The following NEDD4L variants were observed in gnomAD, a reference collection of about 807,000 sequenced individuals.
NEDD4L encodes the protein E3 ubiquitin-protein ligase NEDD4-like.
A neutral mutation model predicts 148.9 loss-of-function variants in NEDD4L; 54 were observed. The ratio of observed to expected loss-of-function variants is 0.36; its 90% confidence interval spans 0.29 to 0.45. The LOEUF is 0.45. Ranked by LOEUF, NEDD4L falls within the 20% of genes least tolerant of loss-of-function variation. NEDD4L has a pLI of 1.00. For missense variants in NEDD4L, 856 were observed against 1,233.8 expected (o/e 0.69, Z 4.59); for synonymous variants, 433 against 440.7 (o/e 0.98, Z 0.22).
intron 2 of NEDD4L, among the ~76,000 whole-genome samples, chr18:58,235,268 ACTG>A (rs2045873123): frequency 6.6e-6 from 1 of 152,092 alleles, no homozygotes; most frequent in East Asian, 1.9e-4. Context: ...TCGGTGTGGC[ACTG>A]CTAACAGGTT....
At chr18:58,106,055 C>G (rs1011495228) in intron 1 of NEDD4L, among the ~76,000 whole-genome samples, 2 of 152,264 alleles carry the variant, frequency 1.3e-5, no homozygotes, top group African/African-American at 4.8e-5. Flanking sequence ...AAAGATCATT[C>G]TTGGGCAGGC....
intron 2 of NEDD4L, among the ~76,000 whole-genome samples, chr18:58,192,597 C>G (rs2040230721): frequency 6.6e-6 from 1 of 152,218 alleles, no homozygotes; most frequent in Non-Finnish European, 1.5e-5. Context: ...GCTGTCTTGA[C>G]ATGCTTTTCA....
At chr18:58,060,135 T>A (rs1378982021) in intron 1 of NEDD4L, among the ~76,000 whole-genome samples, 1 of 4,100 alleles carries the variant, frequency 2.4e-4, no homozygotes, top group Admixed American at 3.1e-3. Flanking sequence ...AGGGGTTGGT[T>A]GGGGGTGGGG....
At chr18:58,215,791 GT>G (rs1180188531) in intron 2 of NEDD4L, among the ~76,000 whole-genome samples, 1 of 152,048 alleles carries the variant, frequency 6.6e-6, no homozygotes, top group African/African-American at 2.4e-5. Context: ...CCTTTTAGTT[GT>G]TTTTTAGGAG....
At chr18:58,390,795 C>A in intron 29 of NEDD4L, 53 bp downstream of exon 29, 1 of 1,344,878 alleles carries the variant, frequency 7.4e-7, no homozygotes, top group Non-Finnish European at 1.0e-6. Context: ...TCCAGCCAGG[C>A]ATGAACTCTG....
chr18:58,113,612 A>G (rs2085552839), intron 1 of NEDD4L, among the ~76,000 whole-genome samples: 1 of 152,128 alleles, frequency 6.6e-6, no homozygotes, highest in South Asian at 2.1e-4. Context: ...TAAAGTCTGT[A>G]TTGGAGTGCA....
intron 1 of NEDD4L, among the ~76,000 whole-genome samples, chr18:58,084,044 T>C (rs2083616002): frequency 6.6e-6 from 1 of 152,144 alleles, no homozygotes; most frequent in Admixed American, 6.6e-5. Flanking sequence ...AGCTTTTTTT[T>C]AAGAAAAGAA....
chr18:58,240,576 A>T (rs1346867664), intron 2 of NEDD4L, among the ~76,000 whole-genome samples: 1 of 151,996 alleles, frequency 6.6e-6, no homozygotes, highest in Non-Finnish European at 1.5e-5. Context: ...TCTCCTCCTG[A>T]CCCACCTACC....
chr18:58,383,423 T>G (rs990230738), intron 25 of NEDD4L, 104 bp downstream of exon 25: 10 of 687,458 alleles, frequency 1.5e-5, no homozygotes, highest in African/African-American at 1.4e-4. Context: ...GGGCATGAGT[T>G]TATTGGTCAG....
At chr18:58,373,531 A>T (rs2047168545) in intron 24 of NEDD4L, among the ~76,000 whole-genome samples, 1 of 152,226 alleles carries the variant, frequency 6.6e-6, no homozygotes, top group South Asian at 2.1e-4. Flanking sequence ...ATCCAAAGCA[A>T]ATGTGAATGT....
chr18:58,103,340 T>G (rs2084884218), intron 1 of NEDD4L, among the ~76,000 whole-genome samples: 1 of 150,886 alleles, frequency 6.6e-6, no homozygotes, highest in Non-Finnish European at 1.5e-5. Flanking sequence ...CTGATATGCA[T>G]GAGTTGCAAT....
intron 1 of NEDD4L, among the ~76,000 whole-genome samples, chr18:58,111,884 A>G (rs1159480856): frequency 6.6e-6 from 1 of 152,200 alleles, no homozygotes; most frequent in Non-Finnish European, 1.5e-5. Flanking sequence ...AAAGCAGCTC[A>G]CCATTTGACA....
chr18:58,267,968 C>T (rs1028428541), intron 5 of NEDD4L, among the ~76,000 whole-genome samples: 2 of 151,986 alleles, frequency 1.3e-5, no homozygotes, highest in East Asian at 1.9e-4. Flanking sequence ...TGGAGGTCGT[C>T]GTTTTTTGCC....
At chr18:58,061,434 A>G (rs1329111160) in intron 1 of NEDD4L, among the ~76,000 whole-genome samples, 1 of 151,576 alleles carries the variant, frequency 6.6e-6, no homozygotes, top group Non-Finnish European at 1.5e-5. Flanking sequence ...CTGCTGCTTC[A>G]TATCTCACAG....
intron 5 of NEDD4L, among the ~76,000 whole-genome samples, chr18:58,277,926 A>G (rs2052387987): frequency 6.6e-6 from 1 of 152,160 alleles, no homozygotes; most frequent in African/African-American, 2.4e-5. Flanking sequence ...AGTGTTTTAT[A>G]CATACCCAAG....
At chr18:58,047,341 A>G in intron 1 of NEDD4L, 1 of 985,104 alleles carries the variant, frequency 1.0e-6, no homozygotes, top group Non-Finnish European at 1.2e-6. Context: ...GTTGAAAAGC[A>G]TGGTATGTTT....
At chr18:58,191,298 A>G (rs985025834) in intron 2 of NEDD4L, among the ~76,000 whole-genome samples, 2 of 152,170 alleles carry the variant, frequency 1.3e-5, no homozygotes, top group East Asian at 1.9e-4. Flanking sequence ...TGGTTCCTAT[A>G]GGAGAGACAG....
intron 1 of NEDD4L, among the ~76,000 whole-genome samples, chr18:58,059,779 A>T (rs2082246633): frequency 1.3e-5 from 2 of 152,208 alleles, no homozygotes; most frequent in South Asian, 4.1e-4. Context: ...TGTTCTTCGT[A>T]TGCAAACTTG....
chr18:58,148,758 A>G (rs1397745835), intron 1 of NEDD4L, among the ~76,000 whole-genome samples: 2 of 152,266 alleles, frequency 1.3e-5, no homozygotes, highest in African/African-American at 2.4e-5. Context: ...TAGAGCCTCA[A>G]CATGGAAGTT....
Sources: allele counts gnomAD v4.1 joint callset (sites outside exome capture counted in the v4.1 genomes callset), GRCh38; gene constraint gnomAD v4.1.1; transcripts MANE v1.5; gene names NCBI Gene and HGNC (gene_info 2026-07-23, HGNC 2026-07-21).